NPAS3: variants seen among roughly 807,000 people sequenced by gnomAD.
The protein encoded by NPAS3 is neuronal PAS domain-containing protein 3.
Under a neutral mutation model 73.1 loss-of-function variants are expected in NPAS3, and 14 were observed. That is an observed-to-expected ratio of 0.19 (90% CI 0.13 to 0.30). The LOEUF (loss-of-function observed/expected upper bound fraction) is 0.30. Among genes scored for constraint, NPAS3 ranks in the 10% least tolerant of loss-of-function variants. The pLI is 1.00. For synonymous variants in NPAS3, 620 were observed against 541.5 expected (o/e 1.14, Z -2.01); for missense variants, 1,096 against 1,250.0 (o/e 0.88, Z 1.86).
At chr14:33,662,171 A>G (rs906544325) in intron 5 of NPAS3, among the ~76,000 whole-genome samples, 2 of 152,234 alleles carry the variant, frequency 1.3e-5, no homozygotes, top group Non-Finnish European at 2.9e-5. Flanking sequence ...CCATGCCACC[A>G]TATCTAGACG....
At chr14:33,794,259 T>A (rs537168555) in intron 10 of NPAS3, among the ~76,000 whole-genome samples, 1 of 152,362 alleles carries the variant, frequency 6.6e-6, no homozygotes, top group East Asian at 1.9e-4. Flanking sequence ...GATTTCAAGA[T>A]TTTCAATCAT....
intron 6 of NPAS3, among the ~76,000 whole-genome samples, chr14:33,702,881 G>T (rs1160073394): frequency 6.6e-6 from 1 of 152,150 alleles, no homozygotes; most frequent in Non-Finnish European, 1.5e-5. Context: ...TTGAAAATAA[G>T]CCCTAGGTTG....
chr14:33,200,807 A>G (rs1325100209), intron 2 of NPAS3, among the ~76,000 whole-genome samples: 1 of 152,148 alleles, frequency 6.6e-6, no homozygotes, highest in Non-Finnish European at 1.5e-5. Flanking sequence ...GGTGCTTTCC[A>G]GTTTTCCACA....
At chr14:33,638,820 TTC>T (rs1223897617) in intron 5 of NPAS3, among the ~76,000 whole-genome samples, 1 of 152,266 alleles carries the variant, frequency 6.6e-6, no homozygotes, top group Non-Finnish European at 1.5e-5. Flanking sequence ...TTGGGATTTC[TTC>T]TGACAGCCAT....
At chr14:33,629,442 A>G (rs1437915659) in intron 5 of NPAS3, among the ~76,000 whole-genome samples, 1 of 152,178 alleles carries the variant, frequency 6.6e-6, no homozygotes, top group Non-Finnish European at 1.5e-5. Context: ...CCTGCACTTG[A>G]AACAGAGTTT....
intron 4 of NPAS3, among the ~76,000 whole-genome samples, chr14:33,556,835 C>G (rs1228088518): frequency 6.6e-6 from 1 of 152,188 alleles, no homozygotes; most frequent in Admixed American, 6.5e-5. Context: ...CTTCTGCACC[C>G]AACCAGGCTT....
chr14:33,298,730 G>A (rs1352649001), intron 3 of NPAS3, among the ~76,000 whole-genome samples: 3 of 152,022 alleles, frequency 2.0e-5, no homozygotes, highest in Admixed American at 1.3e-4. Flanking sequence ...GGGGAAATTC[G>A]TTTAATAAAA....
intron 3 of NPAS3, among the ~76,000 whole-genome samples, chr14:33,340,351 C>T (rs947875890): frequency 2.6e-5 from 4 of 151,992 alleles, no homozygotes; most frequent in African/African-American, 4.8e-5. Flanking sequence ...AAAAATTAGC[C>T]GGGTGTGGTG....
chr14:33,201,976 G>T (rs1029694546), intron 2 of NPAS3, among the ~76,000 whole-genome samples: 1 of 152,138 alleles, frequency 6.6e-6, no homozygotes, highest in Non-Finnish European at 1.5e-5. Context: ...TTTCAGTTTT[G>T]TATGTACTTA....
At position 33,578,440 on chromosome 14, in the gene NPAS3, C is replaced by A. The variant is rs1037676132; in HGVS notation, c.558+18230C>A. The A allele has an allele frequency of 2.3e-5, 8 of 344,520 alleles. No individual in the cohort carries two copies. The East Asian group carries it at 6.8e-4, about 29-fold the overall frequency. The allele number at this position is 344,520 out of a possible 1,614,324, so 21.3% of individuals were successfully genotyped here. ...AACTCAAAACCTCAGGTGATCTGCC[C>A]GCCTCAGCCTCCCAAAGTGCTGGGA... On this transcript the variant is annotated intron_variant, in intron 5 of 11. Transcript: ENST00000356141.
At chr14:32,938,486 T>TGAGAGAGAGAGAGAGA (rs369330767), upstream of NPAS3, among the ~76,000 whole-genome samples, 171 of 55,874 alleles carry the variant, frequency 3.1e-3, 5 homozygotes, top group Admixed American at 6.9e-3. Context: ...AGAGAGAAAT[T>TGAGAGAGAGAGAGAGA]GAGAGAGAGA....
At chr14:33,486,107 T>C (rs1388742086) in intron 4 of NPAS3, among the ~76,000 whole-genome samples, 3 of 152,088 alleles carry the variant, frequency 2.0e-5, no homozygotes, top group Non-Finnish European at 2.9e-5. Context: ...TGCACTGTTA[T>C]ACTAATGTAA....
At chr14:33,254,969 A>T (rs2048723436) in intron 3 of NPAS3, among the ~76,000 whole-genome samples, 1 of 152,122 alleles carries the variant, frequency 6.6e-6, no homozygotes, top group African/African-American at 2.4e-5. Context: ...GTAAAAAAAA[A>T]AACTAGTTGC....
intron 3 of NPAS3, among the ~76,000 whole-genome samples, chr14:33,290,204 A>G (rs1264030358): frequency 6.6e-6 from 1 of 152,246 alleles, no homozygotes; most frequent in Non-Finnish European, 1.5e-5. Flanking sequence ...GGTTTATGTA[A>G]TATTCACAGT....
upstream of NPAS3, among the ~76,000 whole-genome samples, chr14:32,938,176 C>T (rs1460765935): frequency 6.6e-6 from 1 of 152,068 alleles, no homozygotes. Flanking sequence ...CTGCTGAGAG[C>T]GCCAGAGCCA....
At chr14:33,243,958 G>T (rs1435537411) in intron 3 of NPAS3, among the ~76,000 whole-genome samples, 1 of 152,070 alleles carries the variant, frequency 6.6e-6, no homozygotes, top group African/African-American at 2.4e-5. Context: ...CTGACCAATT[G>T]ATGTTTAGAA....
At chr14:33,668,760 A>G (rs1056369383) in intron 5 of NPAS3, among the ~76,000 whole-genome samples, 1 of 152,218 alleles carries the variant, frequency 6.6e-6, no homozygotes, top group Non-Finnish European at 1.5e-5. Context: ...CGGAGGTTGC[A>G]GAGAGCTGAG....
chr14:33,150,412 T>C (rs950449039), intron 2 of NPAS3, among the ~76,000 whole-genome samples: 3 of 152,192 alleles, frequency 2.0e-5, no homozygotes, highest in Non-Finnish European at 1.5e-5. Flanking sequence ...CAGCAATAAA[T>C]TGGTAGGTTG....
intron 6 of NPAS3, among the ~76,000 whole-genome samples, chr14:33,701,925 ATCT>A (rs2060534141): frequency 2.6e-5 from 4 of 152,222 alleles, no homozygotes; most frequent in Non-Finnish European, 5.9e-5. Context: ...GCCCTCAGGG[ATCT>A]TACAATCTAG....
Sources: allele counts gnomAD v4.1 joint callset (sites outside exome capture counted in the v4.1 genomes callset), GRCh38; gene constraint gnomAD v4.1.1; transcripts MANE v1.5; gene names NCBI Gene and HGNC (gene_info 2026-07-23, HGNC 2026-07-21).